The following RBKS variants were observed in gnomAD, a reference collection of about 807,000 sequenced individuals.
RBKS encodes ribokinase.
RBKS carries 33 observed loss-of-function variants against 33.9 expected under a neutral mutation model. The ratio of observed to expected loss-of-function variants is 0.97; its 90% CI spans 0.74 to 1.30. The LOEUF (loss-of-function observed/expected upper bound fraction) is 1.30, where lower values mean the gene tolerates loss of function less well. Ranked by LOEUF, RBKS falls within the 50% of genes most tolerant of loss-of-function variation. RBKS has a pLI of 0.00. For synonymous variants in RBKS, 125 were observed against 143.0 expected (o/e 0.87, Z 0.90); for missense variants, 361 against 392.6 (o/e 0.92, Z 0.68).
chr2:27,783,975 C>CTTTTTTTTTTTT lies in RBKS; in HGVS notation c.796-2199_796-2188dup, dbSNP rs1161206494. ...ATTCAACAGCTCTCAGGGTCATTTTCTTTTTTTTTTTTTTTTTTTTTTTTT... is the reference window on the plus strand; with the variant it reads ...ATTCAACAGCTCTCAGGGTCATTTTCTTTTTTTTTTTTTTTTTTTTTTTTTTTTTTTTTTTTT... On this transcript the variant is annotated intron_variant, in intron 7 of 7. Coordinates refer to ENST00000302188, the MANE Select transcript of RBKS (RefSeq NM_022128.3). Among the ~76,000 whole-genome samples the CTTTTTTTTTTTT allele has an allele frequency of 5.4e-5, 3 of 55,312 alleles. 1 individual carries two copies. Among genetic ancestry groups the CTTTTTTTTTTTT allele is most frequent in the African/African-American group, 1.9e-4 (3 of 16,134 alleles). 36.3% of individuals were successfully genotyped at this position (55,312 alleles called of 152,430 possible).
chr2:27,811,288 A>G (rs566813278), intron 7 of RBKS, among the ~76,000 whole-genome samples: 1 of 152,120 alleles, frequency 6.6e-6, no homozygotes, highest in Non-Finnish European at 1.5e-5. Context: ...CTAGATTCCA[A>G]GCTCTTTGTG....
chr2:27,782,756 CTT>C (rs560358544), intron 7 of RBKS: 18 of 316,654 alleles, frequency 5.7e-5, no homozygotes, highest in Admixed American at 3.0e-4. Flanking sequence ...ATGTTGTACT[CTT>C]TGTTTCTTTA....
At chr2:27,856,707 G>A (rs1280973953) in intron 2 of RBKS, among the ~76,000 whole-genome samples, 1 of 152,046 alleles carries the variant, frequency 6.6e-6, no homozygotes, top group Non-Finnish European at 1.5e-5. Flanking sequence ...TCTTCCCAGC[G>A]AAGCCATTTT....
At chr2:27,881,051 A>AAACC (rs763594764) in intron 1 of RBKS, among the ~76,000 whole-genome samples, 16 of 151,904 alleles carry the variant, frequency 1.1e-4, no homozygotes, top group African/African-American at 3.6e-4. Flanking sequence ...CCATCTCTGC[A>AAACC]AACCAACCAA....
intron 1 of RBKS, among the ~76,000 whole-genome samples, chr2:27,884,703 A>T (rs11896676): frequency 0.022 from 3,369 of 152,298 alleles, 110 homozygotes; most frequent in African/African-American, 0.076. Flanking sequence ...GCTTGGGTGA[A>T]CACGAGTCTT....
chr2:27,889,170 T>C (rs775211083), intron 1 of RBKS, among the ~76,000 whole-genome samples: 3 of 152,206 alleles, frequency 2.0e-5, no homozygotes, highest in Non-Finnish European at 4.4e-5. Flanking sequence ...ACACAGCTTA[T>C]AAATATTTTA....
At chr2:27,783,980 T>TC (rs1558531204) in intron 7 of RBKS, among the ~76,000 whole-genome samples, 2 of 76,230 alleles carry the variant, frequency 2.6e-5, no homozygotes, top group Non-Finnish European at 6.3e-5. Context: ...ATTTTCTTTT[T>TC]TTTTTTTTTT....
chr2:27,791,664 C>A (rs879511472), intron 7 of RBKS, among the ~76,000 whole-genome samples: 66 of 150,476 alleles, frequency 4.4e-4, no homozygotes, highest in East Asian at 2.1e-3. Context: ...TATACATATA[C>A]ATATACATAT....
intron 1 of RBKS, among the ~76,000 whole-genome samples, chr2:27,864,328 A>G (rs924625295): frequency 1.3e-5 from 2 of 152,170 alleles, no homozygotes; most frequent in Non-Finnish European, 2.9e-5. Context: ...TTTCCTAGCT[A>G]AAATGTCTGC....
chr2:27,858,594 G>A (rs1230269711), intron 1 of RBKS, 23 bp from the exon 2 acceptor site: 2 of 1,602,790 alleles, frequency 1.2e-6, no homozygotes, highest in South Asian at 1.1e-5. Flanking sequence ...AAAAAGAGAA[G>A]AAAAAAGCAT....
chr2:27,783,394 A>C (rs1677325528), intron 7 of RBKS, among the ~76,000 whole-genome samples: 1 of 152,192 alleles, frequency 6.6e-6, no homozygotes, highest in Admixed American at 6.5e-5. Context: ...AAGAGCTGAG[A>C]GCCATTTGAT....
chr2:27,890,154 G>T lies in RBKS; in HGVS notation c.89+103C>A. 9.5e-7 allele frequency: 1 copy of T among 1,055,210 alleles called. No individual in the cohort carries two copies. Among genetic ancestry groups the T allele is most frequent in the Non-Finnish European group, 1.4e-6 (1 of 704,344 alleles). 65.4% of individuals were successfully genotyped at this position (1,055,210 alleles called of 1,614,324 possible). A position where few individuals can be genotyped will look rare whatever the true frequency, so the allele number is the denominator to read the frequency against. ...GCAGCTCATACCCAAAGCTAGCACT[G>T]TCTATCCCTGGAGACCCAGCGCCCA... On this transcript the variant is annotated intron_variant, in intron 1 of 7. Transcript: ENST00000302188. The surrounding 1 kb of genome is among the most constrained non-coding windows in gnomAD (Gnocchi z 4.8).
At chr2:27,849,559 C>CAAAAAAAAAAAAAAAA (rs70953894) in intron 2 of RBKS, among the ~76,000 whole-genome samples, 23 of 28,580 alleles carry the variant, frequency 8.0e-4, no homozygotes, top group African/African-American at 1.1e-3. Context: ...GACTCTGTCT[C>CAAAAAAAAAAAAAAAA]AAAAAAAAAA....
Position 27,879,258 on chromosome 2 carries a change from G to A in RBKS, c.89+10999C>T, listed in dbSNP as rs576927668. 4.6e-5 allele frequency among the ~76,000 whole-genome samples: 7 copies of A among 152,192 alleles called. No individual in the cohort carries two copies. The East Asian group carries it at 1.4e-3, about 29-fold the overall frequency. On this transcript the variant is annotated intron_variant, in intron 1 of 7. Transcript: ENST00000302188. ...TCATACTATAATAATCTCTTTTTGAGTCTGCCTTCTTCTCTGGACTGTAAA... is the reference window on the plus strand; with the variant it reads ...TCATACTATAATAATCTCTTTTTGAATCTGCCTTCTTCTCTGGACTGTAAA...
At chr2:27,860,042 T>A (rs887827031) in intron 1 of RBKS, among the ~76,000 whole-genome samples, 1 of 152,152 alleles carries the variant, frequency 6.6e-6, no homozygotes, top group African/African-American at 2.4e-5. Context: ...TCAAATATGG[T>A]TGAGATTCAA....
intron 7 of RBKS, among the ~76,000 whole-genome samples, chr2:27,798,413 G>A (rs1425680757): frequency 6.6e-6 from 1 of 152,036 alleles, no homozygotes; most frequent in African/African-American, 2.4e-5. Context: ...TTCAGCTTGT[G>A]GCACCTCCAC....
chr2:27,782,110 A>C (rs1361412125), intron 7 of RBKS, among the ~76,000 whole-genome samples: 1 of 150,060 alleles, frequency 6.7e-6, no homozygotes, highest in Non-Finnish European at 1.5e-5. Context: ...ATTTCCATAG[A>C]CTCCTGTAGG....
At chr2:27,848,185 G>A in intron 2 of RBKS, 88 bp from the exon 3 acceptor site, 3 of 723,924 alleles carry the variant, frequency 4.1e-6, no homozygotes, top group Non-Finnish European at 7.1e-6. Flanking sequence ...ATTTTAAAAG[G>A]GCATATCTGC....
intron 7 of RBKS, among the ~76,000 whole-genome samples, chr2:27,789,382 A>T (rs1677464797): frequency 6.6e-6 from 1 of 151,894 alleles, no homozygotes; most frequent in South Asian, 2.1e-4. Context: ...GGCACTAAAA[A>T]AATTTCAGAT....
Sources: allele counts gnomAD v4.1 joint callset (sites outside exome capture counted in the v4.1 genomes callset), GRCh38; gene constraint gnomAD v4.1.1; non-coding constraint Gnocchi (gnomAD v3.1); transcripts MANE v1.5; gene names NCBI Gene and HGNC (gene_info 2026-07-23, HGNC 2026-07-21).